WASF3: variants seen among roughly 807,000 people sequenced by gnomAD.
WASF3 encodes the protein actin-binding protein WASF3.
In WASF3, 11 loss-of-function variants were observed where a neutral mutation model predicts 46.6. That is an observed-to-expected ratio of 0.24 (90% CI 0.15 to 0.39). The LOEUF (loss-of-function observed/expected upper bound fraction) is 0.39. Ranked by LOEUF, WASF3 falls within the 10% of genes least tolerant of loss-of-function variation. The probability of loss-of-function intolerance (pLI) is 1.00; values close to 1 mark genes in which losing one functional copy is unlikely to be tolerated. For synonymous variants in WASF3, 242 were observed against 259.7 expected (o/e 0.93, Z 0.65); for missense variants, 576 against 669.8 (o/e 0.86, Z 1.55).
intron 1 of WASF3, among the ~76,000 whole-genome samples, chr13:26,598,461 C>G (rs1242235743): frequency 6.6e-6 from 1 of 152,004 alleles, no homozygotes; most frequent in East Asian, 1.9e-4. Flanking sequence ...GCTCTTCGGC[C>G]CGATGATTTT....
intron 1 of WASF3, among the ~76,000 whole-genome samples, chr13:26,559,853 TGTCTCCCAGAC>T (rs1239459387): frequency 7.0e-6 from 1 of 143,788 alleles, no homozygotes; most frequent in Non-Finnish European, 1.5e-5. Flanking sequence ...GTCTTGCTCT[TGTCTCCCAGAC>T]TGGAGTGCAG....
upstream of WASF3, among the ~76,000 whole-genome samples, chr13:26,554,015 TC>T (rs1326626566): frequency 7.5e-4 from 37 of 49,536 alleles, 2 homozygotes; most frequent in Middle Eastern, 0.011. Context: ...TTCCTTTCCT[TC>T]CCTTCCTTCC....
chr13:26,661,623 G>A (rs571429191), intron 3 of WASF3, among the ~76,000 whole-genome samples: 2 of 152,090 alleles, frequency 1.3e-5, no homozygotes, highest in African/African-American at 2.4e-5. Flanking sequence ...ACTTCTTTAC[G>A]GGTATATACT....
rs202214481 is a variant in WASF3, at chr13:26,665,018, T to C, written c.134-10T>C. On this transcript the variant is annotated splice_polypyrimidine_tract_variant and intron_variant, in intron 3 of 9. Transcript: ENST00000335327. The stretch of plus-strand genomic sequence containing the variant: ...AACAGATGGCCTTCTCCATTCATTT[T>C]ATTCTACAGGCAAACATGCTGAAGA... 4,623 of 1,613,970 alleles carry C rather than the reference T, an allele frequency of 2.9e-3. 42 individuals are homozygous for C. Among genetic ancestry groups the C allele is most frequent in the South Asian group, 0.014 (1,237 of 91,066 alleles).
chr13:26,685,963 T>A lies in WASF3; in HGVS notation c.*118T>A. ...AGCACCTTTTGTATAAACAATGTGATATTGCTTCTGCACATCCAAAAATTC... is the reference window on the plus strand; with the variant it reads ...AGCACCTTTTGTATAAACAATGTGAAATTGCTTCTGCACATCCAAAAATTC... On this transcript the variant is annotated 3_prime_UTR_variant, in exon 10 of 10. Coordinates refer to ENST00000335327, the MANE Select transcript of WASF3 (RefSeq NM_006646.6). 7.3e-7 allele frequency: 1 copy of A among 1,370,542 alleles called. No individual in the cohort carries two copies. Among genetic ancestry groups the A allele is most frequent in the Non-Finnish European group, 9.7e-7 (1 of 1,030,078 alleles). The allele number at this position is 1,370,542 out of a possible 1,614,324, so 84.9% of individuals were successfully genotyped here.
At chr13:26,540,207 T>G in the WASF3 span, among the ~76,000 whole-genome samples, 11 of 152,204 alleles carry the variant, frequency 7.2e-5, no homozygotes, top group Non-Finnish European at 2.9e-5. Flanking sequence ...CTGCTCCTCC[T>G]ACTCCATCTC....
chr13:26,583,439 A>G (rs1880041281), intron 1 of WASF3, among the ~76,000 whole-genome samples: 1 of 152,218 alleles, frequency 6.6e-6, no homozygotes, highest in Non-Finnish European at 1.5e-5. Flanking sequence ...TCAAAATGGA[A>G]ATACTTAAAG....
chr13:26,668,065 C>T (rs1882824890), intron 5 of WASF3, among the ~76,000 whole-genome samples: 1 of 151,674 alleles, frequency 6.6e-6, no homozygotes, highest in South Asian at 2.1e-4. Flanking sequence ...TTCAGCACTG[C>T]AGAGACATTT....
intron 1 of WASF3, among the ~76,000 whole-genome samples, chr13:26,604,679 C>G (rs1880740549): frequency 6.6e-6 from 1 of 152,132 alleles, no homozygotes. Context: ...TTTAGCATCT[C>G]TTTGAATCAG....
chr13:26,607,217 T>G (rs1485074729), intron 1 of WASF3, among the ~76,000 whole-genome samples: 2 of 152,186 alleles, frequency 1.3e-5, no homozygotes, highest in Admixed American at 6.5e-5. Context: ...GGTGTGGTAT[T>G]TTTTGATATA....
rs1177011180 is a variant in WASF3 at position 26,680,246 on chromosome 13, C to T, written c.717-808C>T. The T allele has an allele frequency of 2.0e-6, 3 of 1,519,118 alleles. No individual in the cohort carries two copies. The South Asian group carries it at 3.9e-5, about 20-fold the overall frequency. 94.1% of individuals were successfully genotyped at this position (1,519,118 alleles called of 1,614,324 possible). On this transcript the variant is annotated intron_variant, in intron 7 of 9. Coordinates refer to ENST00000335327, the MANE Select transcript of WASF3 (RefSeq NM_006646.6). Reference sequence around the variant, plus strand: ...TTGGGTTCCCAGACTCAGACTGCCCCTGCTTCTGCCGCCATGAGAGGATGT... The same window carrying T: ...TTGGGTTCCCAGACTCAGACTGCCCTTGCTTCTGCCGCCATGAGAGGATGT...
chr13:26,638,051 G>T, intron 2 of WASF3: 1 of 152,422 alleles, frequency 6.6e-6, no homozygotes, highest in Non-Finnish European at 1.5e-5. Context: ...GAGGAGAGGG[G>T]GTTGGGTGTT....
chr13:26,659,044 A>C (rs2137450299), intron 3 of WASF3, among the ~76,000 whole-genome samples: 1 of 152,342 alleles, frequency 6.6e-6, no homozygotes, highest in South Asian at 2.1e-4. Flanking sequence ...AAACAAGATG[A>C]ATACATACAA....
Position 26,676,706 on chromosome 13 carries a change from C to A in WASF3, c.698C>A (p.Ser233Tyr). 2.5e-6 allele frequency: 4 copies of A among 1,613,926 alleles called. No homozygotes were observed. Among genetic ancestry groups the A allele is most frequent in the Non-Finnish European group, 3.4e-6 (4 of 1,179,904 alleles). ...TACCATGGAGCGTCTTCCGAGGGAT[C>A]CCTGTCCCCAGATACTAGGTGTGTG... is the stretch of plus-strand genomic sequence containing the variant. ...SVYHGASSEG[S>Y]LSPDTRSHAS... The change falls in exon 7 of 10, where the codon TCC becomes TAC. Residue 233 changes from serine (S) to tyrosine (Y), a missense_variant. By Grantham distance (144) the Ser-to-Tyr change is moderately radical (BLOSUM62 -2). Transcript: ENST00000335327.
At chr13:26,575,592 A>T (rs765921584) in intron 1 of WASF3, among the ~76,000 whole-genome samples, 7 of 152,310 alleles carry the variant, frequency 4.6e-5, no homozygotes, top group Non-Finnish European at 8.8e-5. Context: ...AAGGGATTAG[A>T]ACCCTCAGGA....
chr13:26,652,586 T>TA (rs1233354574), intron 3 of WASF3, among the ~76,000 whole-genome samples: 1 of 152,202 alleles, frequency 6.6e-6, no homozygotes, highest in Non-Finnish European at 1.5e-5. Context: ...CCGTGAAACA[T>TA]ACACCAAAAC....
chr13:26,640,517 T>G (rs901550703), intron 2 of WASF3: 74 of 152,178 alleles, frequency 4.9e-4, no homozygotes, highest in Middle Eastern at 3.4e-3. Flanking sequence ...TTCTCCTGCC[T>G]CCTCCTCCTG....
intron 2 of WASF3, among the ~76,000 whole-genome samples, chr13:26,624,387 A>G (rs928055154): frequency 2.0e-5 from 3 of 152,212 alleles, no homozygotes; most frequent in East Asian, 1.9e-4. Context: ...CAGTGAAACA[A>G]AAGAAGAAAC....
chr13:26,664,644 TAAAGGCCAACATGA>T, intron 3 of WASF3, among the ~76,000 whole-genome samples: 2 of 152,224 alleles, frequency 1.3e-5, no homozygotes, highest in Non-Finnish European at 2.9e-5. Context: ...ATCCCAGATT[TAAAGGCCAACATGA>T]TAATTGAATT....
Sources: allele counts gnomAD v4.1 joint callset (sites outside exome capture counted in the v4.1 genomes callset), GRCh38; gene constraint gnomAD v4.1.1; transcripts MANE v1.5; gene names NCBI Gene and HGNC (gene_info 2026-07-23, HGNC 2026-07-21).